The following GATA5 variants were observed in gnomAD, a reference collection of about 807,000 sequenced individuals.
GATA5 encodes transcription factor GATA-5.
In GATA5, 27 loss-of-function variants were observed where a neutral mutation model predicts 35.0. That is an observed-to-expected ratio of 0.77 (90% CI 0.57 to 1.06). The LOEUF (loss-of-function observed/expected upper bound fraction) is 1.06, where lower values mean the gene tolerates loss of function less well. Ranked by LOEUF, GATA5 falls within the 50% of genes least tolerant of loss-of-function variation. The pLI is 0.00. For synonymous variants in GATA5, 306 were observed against 267.8 expected, an observed-to-expected ratio of 1.14 and a Z score of -1.39; for missense variants, 612 against 580.0, an observed-to-expected ratio of 1.06 and a Z score of -0.57.
chr20:62,464,878 C>T lies in GATA5; in HGVS notation c.1152G>A (p.Gly384=). The T allele has an allele frequency of 6.2e-7, 1 of 1,609,904 alleles. No homozygotes were observed. Among genetic ancestry groups the T allele is most frequent in the Middle Eastern group, 1.7e-4 (1 of 5,728 alleles). Residue 384 remains glycine, a synonymous_variant, in exon 7 of 7, where the codon GGG becomes GGA. Coordinates refer to ENST00000252997, the MANE Select transcript of GATA5 (RefSeq NM_080473.5). ...TAPSPQAGLR[G]ALRQEAWCAL... ...CACACCAGGCCTCTTGGCGCAGAGCCCCCCTGAGGCCAGCCTGGGGGCTTG... is the reference window on the plus strand; with the variant it reads ...CACACCAGGCCTCTTGGCGCAGAGCTCCCCTGAGGCCAGCCTGGGGGCTTG...
Position 62,465,927 on chromosome 20 carries a change from A to G in GATA5, c.826-6T>C, listed in dbSNP as rs1989575696. The G allele has an allele frequency of 1.3e-6, 2 of 1,573,674 alleles. No individual in the cohort carries two copies. Among genetic ancestry groups the G allele is most frequent in the South Asian group, 2.3e-5 (2 of 86,324 alleles). ...ATAGCCAGAGGCCGCGGCACCTGGC[A>G]GGGGTGGCGAGGGTGGAGGCTGGTC... On this transcript the variant is annotated splice_polypyrimidine_tract_variant and splice_region_variant and intron_variant, in intron 4 of 6. Coordinates refer to ENST00000252997, the MANE Select transcript of GATA5 (RefSeq NM_080473.5).
Position 62,466,295 on chromosome 20 carries a change from G to A in GATA5, c.825+131C>T. 1.2e-5 allele frequency: 13 copies of A among 1,091,792 alleles called. No individual in the cohort carries two copies. In the South Asian group the frequency reaches 1.4e-4, roughly 12 times the overall value. The allele number at this position is 1,091,792 out of a possible 1,614,324, so 67.6% of individuals were successfully genotyped here. A position where few individuals can be genotyped will look rare whatever the true frequency, so the allele number is the denominator to read the frequency against. On this transcript the variant is annotated intron_variant, in intron 4 of 6. Coordinates refer to ENST00000252997, the MANE Select transcript of GATA5 (RefSeq NM_080473.5). ...CCGCAGTCGGCCGGCCGGGACATGTGTGTACAACAGCCCAGGGGACAATAG... is the reference window on the plus strand; with the variant it reads ...CCGCAGTCGGCCGGCCGGGACATGTATGTACAACAGCCCAGGGGACAATAG...
In GATA5 at chr20:62,464,165, C is replaced by T. The variant is rs1349412992; in HGVS notation, c.*671G>A. 6.6e-6 allele frequency: 1 copy of T among 152,340 alleles called. No individual in the cohort carries two copies. The highest frequency in any genetic ancestry group is 2.1e-4 in the South Asian group (1 of 4,832). 9.4% of individuals were successfully genotyped at this position (152,340 alleles called of 1,614,324 possible). On this transcript the variant is annotated 3_prime_UTR_variant, in exon 7 of 7. Coordinates refer to ENST00000252997, the MANE Select transcript of GATA5 (RefSeq NM_080473.5). ...CTAGAACAAGGCCCTTTCCCATCCC[C>T]TCTGGAAAAACTGTCCAAACAAGTG... is the stretch of plus-strand genomic sequence containing the variant.
At chr20:62,473,266 G>A (rs782779047) in intron 3 of GATA5, 137 bp downstream of exon 3, 16 of 922,596 alleles carry the variant, frequency 1.7e-5, no homozygotes, top group African/African-American at 8.3e-5. Context: ...CTGACCCACC[G>A]GGGCGGGCAC....
rs1323045511 is a variant in GATA5 at position 62,466,569 on chromosome 20, A to C, written c.700-18T>G. Reference sequence around the variant, plus strand: ...GACGAGGACTGTGGGGGCGAGGGAGACTGGAGTGAGCCCCGGGCCGGGTGC... The same window carrying C: ...GACGAGGACTGTGGGGGCGAGGGAGCCTGGAGTGAGCCCCGGGCCGGGTGC... On this transcript the variant is annotated intron_variant, in intron 3 of 6. Coordinates refer to ENST00000252997, the MANE Select transcript of GATA5 (RefSeq NM_080473.5). 5.2e-6 allele frequency: 8 copies of C among 1,542,154 alleles called. No homozygotes were observed. The highest frequency in any genetic ancestry group is 7.0e-6 in the Non-Finnish European group (8 of 1,144,022).
Position 62,464,750 on chromosome 20 carries a change from G to T in GATA5, c.*86C>A. 1 of 1,227,908 alleles carries T rather than the reference G, an allele frequency of 8.1e-7. No individual in the cohort carries two copies. The highest frequency in any genetic ancestry group is 1.1e-6 in the Non-Finnish European group (1 of 893,756). 76.1% of individuals were successfully genotyped at this position (1,227,908 alleles called of 1,614,324 possible). On this transcript the variant is annotated 3_prime_UTR_variant, in exon 7 of 7. Transcript: ENST00000252997. ...TGGGTTGGGGGGCCTGCTGGTCTCT[G>T]CTGTGCTGGAGCAAAGCAGGCACGG...
intron 1 of GATA5, 58 bp from the exon 2 acceptor site, chr20:62,475,600 C>T (rs1989842448): frequency 1.8e-6 from 2 of 1,140,454 alleles, no homozygotes; most frequent in Non-Finnish European, 2.2e-6. Context: ...TCCGCCAGCG[C>T]CCGAGCTTAT....
chr20:62,474,247 C>CCGG (rs1226187023), intron 2 of GATA5, among the ~76,000 whole-genome samples: 1 of 152,166 alleles, frequency 6.6e-6, no homozygotes, highest in Non-Finnish European at 1.5e-5. Flanking sequence ...CAGGCCCGGC[C>CCGG]CGGCGCCGGC....
At chr20:62,469,232 A>G (rs1555896345) in intron 3 of GATA5, among the ~76,000 whole-genome samples, 1 of 152,254 alleles carries the variant, frequency 6.6e-6, no homozygotes, top group African/African-American at 2.4e-5. Context: ...TTTCTGATAC[A>G]TGATGAATCC....
chr20:62,475,824 C>T (rs1251568342), intron 1 of GATA5, 106 bp downstream of exon 1: 3 of 256,140 alleles, frequency 1.2e-5, no homozygotes, highest in East Asian at 1.3e-4. Context: ...GAAGGACGGG[C>T]CTGGCGCGGC....
rs1162657745 is a variant in GATA5 at position 62,470,453 on chromosome 20, G to A, written c.699+2950C>T. Among the ~76,000 whole-genome samples the A allele has an allele frequency of 6.6e-6, 1 of 152,216 alleles. No homozygotes were observed. The highest frequency in any genetic ancestry group is 1.5e-5 in the Non-Finnish European group (1 of 68,034). On this transcript the variant is annotated intron_variant, in intron 3 of 6. Coordinates refer to ENST00000252997, the MANE Select transcript of GATA5 (RefSeq NM_080473.5). This position sits in a 1 kb window ranked among gnomAD's most constrained non-coding sequence, Gnocchi z 4.6. ...CAAACAGGTCCCCTCCTGGAGGGGGGATGTAGTAAGCACTTGATACAGTGC... is the reference window on the plus strand; with the variant it reads ...CAAACAGGTCCCCTCCTGGAGGGGGAATGTAGTAAGCACTTGATACAGTGC...
At chr20:62,466,932 G>T (rs957703635) in intron 3 of GATA5, among the ~76,000 whole-genome samples, 1 of 152,210 alleles carries the variant, frequency 6.6e-6, no homozygotes, top group Non-Finnish European at 1.5e-5. Flanking sequence ...AGGCCACAGG[G>T]TCCCCCGGAG....
At position 62,464,915 on chromosome 20, in the gene GATA5, G is replaced by C. The variant is rs1402045595; in HGVS notation, c.1115C>G (p.Pro372Arg). Residue 372 changes from proline (P) to arginine (R), a missense_variant, in exon 7 of 7, where the codon CCC becomes CGC. Physicochemically the swap from Pro to Arg is moderately radical, Grantham distance 103. Transcript: ENST00000252997. ...AGCCTGGGGGCTTGGGGCCGTGGAGGGGAAGGCAAAGTCCTCAGGCTCGAA... is the reference window on the plus strand; with the variant it reads ...AGCCTGGGGGCTTGGGGCCGTGGAGCGGAAGGCAAAGTCCTCAGGCTCGAA... The part of the protein sequence containing the change: ...FKFEPEDFAF[P>R]STAPSPQAGL... 3 of 1,611,618 alleles carry C rather than the reference G, an allele frequency of 1.9e-6. No individual in the cohort carries two copies. The highest frequency in any genetic ancestry group is 2.5e-6 in the Non-Finnish European group (3 of 1,179,244).
chr20:62,463,824 G>C lies in GATA5; in HGVS notation c.*1012C>G, dbSNP rs1989502947. 6.5e-6 allele frequency: 1 copy of C among 152,910 alleles called. No homozygotes were observed. Among genetic ancestry groups the C allele is most frequent in the African/African-American group, 2.4e-5 (1 of 41,572 alleles). The allele number at this position is 152,910 out of a possible 1,614,324, so 9.5% of individuals were successfully genotyped here. On this transcript the variant is annotated 3_prime_UTR_variant, in exon 7 of 7. Transcript: ENST00000252997. ...GGATGTGCTCCCCGCAGGGCCCTGTGGCTGCCTGCCCCGCTCCTCTGCTCC... is the reference window on the plus strand; with the variant it reads ...GGATGTGCTCCCCGCAGGGCCCTGTCGCTGCCTGCCCCGCTCCTCTGCTCC...
In GATA5 at chr20:62,464,340, A is replaced by G. The variant is rs1555895756; in HGVS notation, c.*496T>C. On this transcript the variant is annotated 3_prime_UTR_variant, in exon 7 of 7. Coordinates refer to ENST00000252997, the MANE Select transcript of GATA5 (RefSeq NM_080473.5). ...GCTCCGTCTATCCATGTGGGCAATGAAGGACAGCCCCGAGGCCTCAGGAGG... is the reference window on the plus strand; with the variant it reads ...GCTCCGTCTATCCATGTGGGCAATGGAGGACAGCCCCGAGGCCTCAGGAGG... 6.6e-6 allele frequency: 1 copy of G among 152,528 alleles called. No homozygotes were observed. The highest frequency in any genetic ancestry group is 2.4e-5 in the African/African-American group (1 of 41,450). 9.4% of individuals were successfully genotyped at this position (152,528 alleles called of 1,614,324 possible).
Position 62,475,428 on chromosome 20 carries a change from TC to T in GATA5, c.93del (p.Met32CysfsTer115). The T allele has an allele frequency of 7.3e-7, 1 of 1,360,658 alleles. No homozygotes were observed. 84.3% of individuals were successfully genotyped at this position (1,360,658 alleles called of 1,614,324 possible). A position where few individuals can be genotyped will look rare whatever the true frequency, so the allele number is the denominator to read the frequency against. ...GGGACGCGCGCCGGCGGCACAAACA[TC>T]GGAGAGCCGGCGCCCGGAGCGTGCA... ...SFLHAPGAGS[P>X]MFVPPARVPS... On this transcript the variant is annotated frameshift_variant, in exon 2 of 7. Transcript: ENST00000252997. LOFTEE classifies it high-confidence loss of function.
intron 3 of GATA5, among the ~76,000 whole-genome samples, chr20:62,469,154 C>G (rs1265725228): frequency 1.3e-5 from 2 of 152,260 alleles, no homozygotes; most frequent in African/African-American, 4.8e-5. Flanking sequence ...AAATCTCCCC[C>G]AGGGCTGCCA....
chr20:62,474,494 A>C (rs6061555), intron 2 of GATA5, among the ~76,000 whole-genome samples: 96,274 of 152,134 alleles, frequency 0.63, 30,635 homozygotes, highest in South Asian at 0.73. Context: ...AGCTCAGAGG[A>C]GCCGCCTTCG....
intron 1 of GATA5, 71 bp from the exon 2 acceptor site, chr20:62,475,613 C>T (rs1165189586): frequency 1.9e-6 from 2 of 1,042,022 alleles, no homozygotes; most frequent in Non-Finnish European, 2.5e-6. Flanking sequence ...GAGCTTATGC[C>T]GGGCAGGTGC....
Sources: allele counts gnomAD v4.1 joint callset (sites outside exome capture counted in the v4.1 genomes callset), GRCh38; gene constraint gnomAD v4.1.1; non-coding constraint Gnocchi (gnomAD v3.1); transcripts MANE v1.5; gene names NCBI Gene and HGNC (gene_info 2026-07-23, HGNC 2026-07-21).